COPB1: variants seen among roughly 807,000 people sequenced by gnomAD.
The protein encoded by COPB1 is coat protein complex I subunit beta 1.
A neutral mutation model predicts 108.7 loss-of-function variants in COPB1; 21 were observed. The ratio of observed to expected loss-of-function variants is 0.19; its 90% CI spans 0.14 to 0.28. COPB1 has a LOEUF of 0.28. COPB1 is among the 10% of genes least tolerant of loss of function. The pLI is 1.00. For synonymous variants in COPB1, 378 were observed against 386.8 expected, an observed-to-expected ratio of 0.98 and a Z score of 0.27; for missense variants, 919 against 1,141.3, an observed-to-expected ratio of 0.81 and a Z score of 2.81.
At position 14,481,073 on chromosome 11, in the gene COPB1, CTCT is replaced by C. The variant is rs773698929; in HGVS notation, c.979_981del (p.Arg327del). The C allele has an allele frequency of 6.2e-7, 1 of 1,613,250 alleles. No individual in the cohort carries two copies. The highest frequency in any genetic ancestry group is 8.5e-7 in the Non-Finnish European group (1 of 1,179,778). ...ACTTCTAAGTCTGGTGTGCTCAATA[CTCT>C]TAGGATATCCATAACCAGATCCTAA... On this transcript the variant is annotated inframe_deletion, in exon 9 of 22. Transcript: ENST00000439561.
chr11:14,477,054 C>T lies in COPB1; in HGVS notation c.1359-39G>A, dbSNP rs191271703. 55 of 1,316,306 alleles carry T rather than the reference C, an allele frequency of 4.2e-5. No individual in the cohort carries two copies. In the African/African-American group the frequency reaches 6.8e-4, roughly 16 times the overall value. The allele number at this position is 1,316,306 out of a possible 1,614,324, so 81.5% of individuals were successfully genotyped here. A position where few individuals can be genotyped will look rare whatever the true frequency, so the allele number is the denominator to read the frequency against. On this transcript the variant is annotated intron_variant, in intron 11 of 21. Coordinates refer to ENST00000439561, the MANE Select transcript of COPB1 (RefSeq NM_001144061.2). ...AGATCTGAAACATGAACTTGGCAGA[C>T]AAATCTTGAAGCAGAGATCTTTCTT...
At chr11:14,472,078 C>A (rs563854721) in intron 14 of COPB1, among the ~76,000 whole-genome samples, 3 of 152,148 alleles carry the variant, frequency 2.0e-5, no homozygotes, top group African/African-American at 7.2e-5. Context: ...TTGCTACAGG[C>A]CCAATTTGAA....
intron 16 of COPB1, among the ~76,000 whole-genome samples, chr11:14,468,237 T>C (rs1170404133): frequency 6.6e-6 from 1 of 152,204 alleles, no homozygotes; most frequent in African/African-American, 2.4e-5. Flanking sequence ...TAAATTTATA[T>C]ATTTAAGAGA....
intron 13 of COPB1, among the ~76,000 whole-genome samples, chr11:14,474,988 C>G (rs1377515848): frequency 2.0e-5 from 3 of 149,600 alleles, no homozygotes; most frequent in African/African-American, 7.4e-5. Context: ...CCCAGCTACT[C>G]AGGAGATTGA....
intron 2 of COPB1, among the ~76,000 whole-genome samples, chr11:14,495,815 C>T (rs373350056): frequency 4.6e-5 from 7 of 152,156 alleles, no homozygotes; most frequent in Non-Finnish European, 8.8e-5. Flanking sequence ...TAGCTATAAC[C>T]TTAGGTATCC....
chr11:14,461,061 C>G, intron 19 of COPB1, 125 bp downstream of exon 19: 1 of 1,200,502 alleles, frequency 8.3e-7, no homozygotes, highest in Non-Finnish European at 1.2e-6. Flanking sequence ...AGAACAGATA[C>G]TGAAAGACTA....
At chr11:14,486,726 A>G (rs1774931134) in intron 6 of COPB1, among the ~76,000 whole-genome samples, 2 of 152,190 alleles carry the variant, frequency 1.3e-5, no homozygotes, top group African/African-American at 4.8e-5. Flanking sequence ...AAAAACATAG[A>G]TAAGAAATGG....
At chr11:14,498,696 A>C (rs1282050655) in intron 2 of COPB1, 142 bp downstream of exon 2, 2 of 593,828 alleles carry the variant, frequency 3.4e-6, no homozygotes, top group Non-Finnish European at 5.6e-6. Context: ...TCGCATTTTT[A>C]ATAAAAGGTC....
At chr11:14,498,257 T>A (rs1350917723) in intron 2 of COPB1, among the ~76,000 whole-genome samples, 1 of 152,226 alleles carries the variant, frequency 6.6e-6, no homozygotes, top group African/African-American at 2.4e-5. Flanking sequence ...CATGCCTGTA[T>A]CAAAGCATTT....
intron 6 of COPB1, among the ~76,000 whole-genome samples, chr11:14,487,187 C>T (rs1003028344): frequency 6.6e-6 from 1 of 151,966 alleles, no homozygotes; most frequent in Non-Finnish European, 1.5e-5. Flanking sequence ...AGTAAATATC[C>T]CTTATTTTTT....
At chr11:14,475,757 C>G in intron 13 of COPB1, 28 bp downstream of exon 13, 1 of 1,481,264 alleles carries the variant, frequency 6.8e-7, no homozygotes, top group Non-Finnish European at 9.0e-7. Flanking sequence ...AGTAGTACAG[C>G]TGGCAGGGTA....
chr11:14,479,721 G>GAAAAAAA lies in COPB1; in HGVS notation c.1213-14_1213-8dup. The GAAAAAAA allele has an allele frequency of 9.4e-6, 11 of 1,171,896 alleles. No individual in the cohort carries two copies. The highest frequency in any genetic ancestry group is 2.9e-5 in the Admixed American group (1 of 33,904). 72.6% of individuals were successfully genotyped at this position (1,171,896 alleles called of 1,614,324 possible). A position where few individuals can be genotyped will look rare whatever the true frequency, so the allele number is the denominator to read the frequency against. ...CACTGAGAAATTCCATTAACTAAAA[G>GAAAAAAA]AAAAAAAAAAAAAAGAAAATGGAAC... On this transcript the variant is annotated splice_region_variant and splice_polypyrimidine_tract_variant and intron_variant, in intron 10 of 21. Transcript: ENST00000439561.
intron 14 of COPB1, among the ~76,000 whole-genome samples, chr11:14,470,944 A>ACACACACACTCTCTCT (rs1285522756): frequency 1.1e-4 from 10 of 90,154 alleles, no homozygotes; most frequent in African/African-American, 5.2e-4. Context: ...ACACACACAC[A>ACACACACACTCTCTCT]CTCTCTCTCT....
rs754989076 is a variant in COPB1, at chr11:14,468,827, G to A, written c.1999C>T (p.Pro667Ser). 6 of 1,613,768 alleles carry A rather than the reference G, an allele frequency of 3.7e-6. No homozygotes were observed. Among genetic ancestry groups the A allele is most frequent in the African/African-American group, 2.7e-5 (2 of 74,884 alleles). The change falls in exon 16 of 22, where the codon CCT (proline) becomes TCT (serine). Residue 667 changes from proline (P) to serine (S), a missense_variant. Coordinates refer to ENST00000439561, the MANE Select transcript of COPB1 (RefSeq NM_001144061.2). Reference protein sequence around the residue: ...ESEKRNVTVQPDDPISFMQLT... With the variant: ...ESEKRNVTVQSDDPISFMQLT... ...TGCATGAAGGAAATGGGGTCATCAG[G>A]CTGTACTGTCACATTCCTCTTTTCA... is the stretch of plus-strand genomic sequence containing the variant.
At chr11:14,470,930 ACACACACACACACACT>A (rs753368620) in intron 14 of COPB1, among the ~76,000 whole-genome samples, 3 of 118,008 alleles carry the variant, frequency 2.5e-5, no homozygotes, top group African/African-American at 1.1e-4. Context: ...ACACACACAC[ACACACACACACACACT>A]CTCTCTCTCT....
intron 5 of COPB1, 69 bp downstream of exon 5, chr11:14,490,496 A>T: frequency 1.2e-6 from 1 of 816,418 alleles, no homozygotes; most frequent in Non-Finnish European, 1.9e-6. Context: ...AAACATGATT[A>T]AGTCTATGTA....
chr11:14,497,284 C>T (rs1851044464), intron 2 of COPB1, among the ~76,000 whole-genome samples: 1 of 151,722 alleles, frequency 6.6e-6, no homozygotes, highest in African/African-American at 2.4e-5. Flanking sequence ...TATGTGCTAA[C>T]TACCTATCTC....
chr11:14,497,468 T>C (rs999248192), intron 2 of COPB1, among the ~76,000 whole-genome samples: 4 of 152,010 alleles, frequency 2.6e-5, no homozygotes, highest in African/African-American at 4.8e-5. Flanking sequence ...ATCAGAGAAA[T>C]GCATATCAAA....
Position 14,469,186 on chromosome 11 carries a change from A to G in COPB1, c.1965+150T>C, listed in dbSNP as rs1049067872. 2.2e-5 allele frequency: 15 copies of G among 680,814 alleles called. No individual in the cohort carries two copies. The African/African-American group carries it at 2.3e-4, about 10-fold the overall frequency. The allele number at this position is 680,814 out of a possible 1,614,324, so 42.2% of individuals were successfully genotyped here. A position where few individuals can be genotyped will look rare whatever the true frequency, so the allele number is the denominator to read the frequency against. On this transcript the variant is annotated intron_variant, in intron 15 of 21. Transcript: ENST00000439561. ...ATTTTCTCATTTTTTTTGTTGAGAC[A>G]GGGGCTTGCTATGTAGCCCACACTG...
Sources: gnomAD v4.1 joint callset for allele counts (sites outside exome capture counted in the v4.1 genomes callset) on GRCh38, gnomAD v4.1.1 for gene constraint, MANE v1.5 for transcripts, NCBI Gene and HGNC (gene_info 2026-07-23, HGNC 2026-07-21) for gene names.